Variants in MDFIC observed in about 807,000 individuals in gnomAD.
The protein encoded by MDFIC is myoD family inhibitor domain-containing protein.
MDFIC carries 17 observed loss-of-function variants against 23.2 expected under a neutral mutation model. The observed-to-expected ratio is 0.73, with a 90% CI of 0.50 to 1.10. MDFIC has a LOEUF of 1.10. Among genes scored for constraint, MDFIC ranks in the 50% least tolerant of loss-of-function variants. The pLI is 0.00. For missense variants in MDFIC, 356 were observed against 316.6 expected (o/e 1.12, Z -0.95); for synonymous variants, 120 against 115.2 (o/e 1.04, Z -0.27).
At chr7:114,994,995 T>C (rs1019508227) in intron 4 of MDFIC, among the ~76,000 whole-genome samples, 3 of 152,214 alleles carry the variant, frequency 2.0e-5, no homozygotes, top group South Asian at 2.1e-4. Flanking sequence ...CAATCAGACG[T>C]AGATTTGGTC....
At position 114,989,290 on chromosome 7, in the gene MDFIC, G is replaced by A. The variant is rs114943913; in HGVS notation, c.493+9509G>A. Among the ~76,000 whole-genome samples, 718 of 152,272 alleles carry A rather than the reference G, an allele frequency of 4.7e-3. 4 individuals carry two copies. Among genetic ancestry groups the A allele is most frequent in the African/African-American group, 0.016 (650 of 41,560 alleles). On this transcript the variant is annotated intron_variant, in intron 4 of 4. Coordinates refer to ENST00000393486, the MANE Select transcript of MDFIC (RefSeq NM_001166345.3). ...GCACTGAAATATTTCTGTTGGTTGT[G>A]ACAACATGGACATCATTTAGTGACC...
chr7:114,995,414 A>T (rs1447563997), intron 4 of MDFIC, among the ~76,000 whole-genome samples: 2 of 151,972 alleles, frequency 1.3e-5, no homozygotes, highest in Admixed American at 6.6e-5. Context: ...TTGGAGGGGG[A>T]TAGGCACTCT....
intron 4 of MDFIC, among the ~76,000 whole-genome samples, chr7:114,997,337 A>G (rs1791353840): frequency 6.6e-6 from 1 of 151,978 alleles, no homozygotes; most frequent in African/African-American, 2.4e-5. Context: ...TGTTTTTGAG[A>G]AGGTGAGAGG....
At chr7:114,946,684 A>G (rs1486924902) in intron 3 of MDFIC, among the ~76,000 whole-genome samples, 1 of 152,140 alleles carries the variant, frequency 6.6e-6, no homozygotes, top group Non-Finnish European at 1.5e-5. Context: ...TAGCTCTCAT[A>G]ATAGTAAGCA....
intron 4 of MDFIC, among the ~76,000 whole-genome samples, chr7:114,995,641 T>C (rs1430039958): frequency 6.6e-6 from 1 of 152,196 alleles, no homozygotes. Flanking sequence ...GTATCAGCAG[T>C]GGAGGCTGCA....
intron 3 of MDFIC, among the ~76,000 whole-genome samples, chr7:114,970,903 T>C (rs904402610): frequency 6.6e-6 from 1 of 152,196 alleles, no homozygotes; most frequent in Non-Finnish European, 1.5e-5. Context: ...ACTTCAGTTC[T>C]TCCTCTACTC....
intron 1 of MDFIC, 27 bp downstream of exon 1, chr7:114,922,663 G>T: frequency 7.6e-7 from 1 of 1,318,338 alleles, no homozygotes; most frequent in South Asian, 2.3e-5. Context: ...GGGCGGGGAA[G>T]AGGAGGGGTT....
rs182519536 is a variant in MDFIC at position 114,959,587 on chromosome 7, A to G, written c.217+17190A>G. On this transcript the variant is annotated intron_variant, in intron 3 of 4. Transcript: ENST00000393486. ...GCCATAAAGAAGTTTCATTATTCAGATAACTTAATTTCAACTTAGAGAGTT... is the reference window on the plus strand; with the variant it reads ...GCCATAAAGAAGTTTCATTATTCAGGTAACTTAATTTCAACTTAGAGAGTT... Among the ~76,000 whole-genome samples the G allele has an allele frequency of 1.3e-3, 199 of 152,280 alleles. 2 individuals are homozygous for G. The highest frequency in any genetic ancestry group is 2.8e-4 in the Non-Finnish European group (19 of 68,016).
intron 4 of MDFIC, among the ~76,000 whole-genome samples, chr7:115,010,763 C>T (rs146972357): frequency 0.022 from 3,412 of 152,190 alleles, 53 homozygotes; most frequent in South Asian, 0.058. Context: ...TAACTGCAGT[C>T]CTTAACGTTT....
intron 3 of MDFIC, among the ~76,000 whole-genome samples, chr7:114,946,314 A>G (rs1470461675): frequency 6.6e-6 from 1 of 151,854 alleles, no homozygotes; most frequent in Non-Finnish European, 1.5e-5. Context: ...GTCAAATTCT[A>G]CTATTCTAAT....
intron 3 of MDFIC, among the ~76,000 whole-genome samples, chr7:114,951,730 C>A (rs867719839): frequency 6.6e-6 from 1 of 151,938 alleles, no homozygotes; most frequent in Admixed American, 6.6e-5. Flanking sequence ...AAAATTATCA[C>A]GTGATATGGC....
chr7:114,945,349 G>C (rs1792623967), intron 3 of MDFIC, among the ~76,000 whole-genome samples: 1 of 152,166 alleles, frequency 6.6e-6, no homozygotes, highest in East Asian at 1.9e-4. Flanking sequence ...CCTCATAAGG[G>C]ATATTCACGC....
At chr7:114,977,569 G>A (rs1793341371) in intron 3 of MDFIC, among the ~76,000 whole-genome samples, 1 of 152,106 alleles carries the variant, frequency 6.6e-6, no homozygotes, top group African/African-American at 2.4e-5. Context: ...CAGAACTTAG[G>A]TCACATCCTT....
At chr7:114,980,082 G>C (rs1171163316) in intron 4 of MDFIC, 2 of 389,542 alleles carry the variant, frequency 5.1e-6, no homozygotes, top group African/African-American at 2.1e-5. Context: ...CATTTTGATG[G>C]CATACATGAG....
intron 2 of MDFIC, among the ~76,000 whole-genome samples, chr7:114,924,336 T>C (rs1015314497): frequency 2.0e-5 from 3 of 152,226 alleles, no homozygotes; most frequent in Non-Finnish European, 4.4e-5. Context: ...TGATGGGCTG[T>C]TTATGCTCAC....
intron 4 of MDFIC, among the ~76,000 whole-genome samples, chr7:114,992,665 A>T (rs1791200148): frequency 6.6e-6 from 1 of 152,108 alleles, no homozygotes; most frequent in Non-Finnish European, 1.5e-5. Flanking sequence ...TGATTTGTGT[A>T]TGTTGAACCA....
chr7:114,959,040 C>G (rs537545973), intron 3 of MDFIC, among the ~76,000 whole-genome samples: 16 of 152,282 alleles, frequency 1.1e-4, no homozygotes, highest in African/African-American at 3.6e-4. Flanking sequence ...TGATACAGTT[C>G]ACAGAGTACA....
In MDFIC at chr7:115,017,169, G is replaced by A. The variant is rs1005119395; in HGVS notation, c.*1234G>A. Reference sequence around the variant, plus strand: ...GTGCCTTCAGCATACTTTTTTATTAGTTGTAGGAATACAGCTTTTTGAAAA... The same window carrying A: ...GTGCCTTCAGCATACTTTTTTATTAATTGTAGGAATACAGCTTTTTGAAAA... On this transcript the variant is annotated 3_prime_UTR_variant, in exon 5 of 5. Transcript: ENST00000393486. 6.6e-6 allele frequency: 1 copy of A among 152,120 alleles called. No homozygotes were observed. Among genetic ancestry groups the A allele is most frequent in the Non-Finnish European group, 1.5e-5 (1 of 68,000 alleles). 9.4% of individuals were successfully genotyped at this position (152,120 alleles called of 1,614,324 possible). A position where few individuals can be genotyped will look rare whatever the true frequency, so the allele number is the denominator to read the frequency against.
chr7:114,987,070 G>T (rs1215461929), intron 4 of MDFIC, among the ~76,000 whole-genome samples: 1 of 152,110 alleles, frequency 6.6e-6, no homozygotes, highest in African/African-American at 2.4e-5. Context: ...AAAAGGAAGG[G>T]CAAATATTTG....
Sources: gnomAD v4.1 joint callset for allele counts (sites outside exome capture counted in the v4.1 genomes callset) on GRCh38, gnomAD v4.1.1 for gene constraint, MANE v1.5 for transcripts, NCBI Gene and HGNC (gene_info 2026-07-23, HGNC 2026-07-21) for gene names.